Variants in EML5 observed in about 807,000 individuals in gnomAD.
EML5 encodes EMAP like 5, also known as echinoderm microtubule-associated protein-like 5.
A neutral mutation model predicts 250.0 loss-of-function variants in EML5; 120 were observed. The observed-to-expected ratio is 0.48, with a 90% CI of 0.41 to 0.56. The LOEUF (loss-of-function observed/expected upper bound fraction) is 0.56. Among genes scored for constraint, EML5 ranks in the 20% least tolerant of loss-of-function variants. EML5 has a pLI of 0.00. For synonymous variants in EML5, 771 were observed against 806.5 expected, an observed-to-expected ratio of 0.96 and a Z score of 0.75; for missense variants, 2,006 against 2,437.6, an observed-to-expected ratio of 0.82 and a Z score of 3.73.
At chr14:88,668,530 T>A (rs1023792664) in intron 21 of EML5, among the ~76,000 whole-genome samples, 2 of 152,024 alleles carry the variant, frequency 1.3e-5, no homozygotes, top group African/African-American at 2.4e-5. Context: ...GCAGGTTAAA[T>A]GGACAAGTAG....
chr14:88,668,594 G>A (rs1031467719), intron 21 of EML5, among the ~76,000 whole-genome samples: 2 of 152,158 alleles, frequency 1.3e-5, no homozygotes, highest in African/African-American at 2.4e-5. Flanking sequence ...TGAACACACA[G>A]AGAAGGGCGC....
At chr14:88,686,157 T>C (rs1262864179) in intron 19 of EML5, among the ~76,000 whole-genome samples, 1 of 152,038 alleles carries the variant, frequency 6.6e-6, no homozygotes, top group Non-Finnish European at 1.5e-5. Context: ...TCAGGTTTGA[T>C]ATTTGAAAAA....
intron 29 of EML5, among the ~76,000 whole-genome samples, chr14:88,644,908 C>T (rs1309270903): frequency 6.6e-6 from 1 of 152,010 alleles, no homozygotes; most frequent in Non-Finnish European, 1.5e-5. Context: ...GACGGGGTTT[C>T]ACCATGTTGG....
chr14:88,767,792 T>C (rs2094339756), intron 1 of EML5, among the ~76,000 whole-genome samples: 1 of 152,202 alleles, frequency 6.6e-6, no homozygotes, highest in Non-Finnish European at 1.5e-5. Context: ...TTCATTACAA[T>C]ATAAACATTT....
intron 40 of EML5, 117 bp from the exon 41 acceptor site, chr14:88,618,448 T>G (rs2088142219): frequency 9.0e-7 from 1 of 1,106,742 alleles, no homozygotes; most frequent in Admixed American, 2.3e-5. Flanking sequence ...CATTATTAAG[T>G]ATGCAAAAGA....
chr14:88,685,056 G>A lies in EML5; in HGVS notation c.2941C>T (p.Leu981=), dbSNP rs185658761. The A allele has an allele frequency of 6.2e-6, 10 of 1,611,422 alleles. No individual in the cohort carries two copies. The East Asian group carries it at 1.6e-4, about 25-fold the overall frequency. Reference sequence around the variant, plus strand: ...ATTGGGCCACTTTTATCCACTTCTAGTATTTCACCATTCTTTGTGCCAACT... The same window carrying A: ...ATTGGGCCACTTTTATCCACTTCTAATATTTCACCATTCTTTGTGCCAACT... ...ILVGTKNGEI[L]EVDKSGPITL... Residue 981 remains leucine, a synonymous_variant, in exon 20 of 44, where the codon CTA becomes TTA. Coordinates refer to ENST00000554922, the MANE Select transcript of EML5 (RefSeq NM_183387.3).
intron 17 of EML5, among the ~76,000 whole-genome samples, chr14:88,690,483 C>A (rs2092931334): frequency 6.6e-6 from 1 of 152,076 alleles, no homozygotes; most frequent in Non-Finnish European, 1.5e-5. Context: ...CTTTTCTCAA[C>A]ATAGAAGGCA....
Position 88,661,130 on chromosome 14 carries a change from C to T in EML5, c.3675+524G>A, listed in dbSNP as rs137996264. 1.4e-3 allele frequency among the ~76,000 whole-genome samples: 212 copies of T among 152,196 alleles called. 2 individuals are homozygous for T. The highest frequency in any genetic ancestry group is 4.9e-3 in the African/African-American group (202 of 41,524). ...CTGACACAGGGTTTTGCGCTGTCAC[C>T]CAGACTGGTGTGCAATGACATGACC... On this transcript the variant is annotated intron_variant, in intron 25 of 43. Coordinates refer to ENST00000554922, the MANE Select transcript of EML5 (RefSeq NM_183387.3).
At chr14:88,676,633 T>C (rs1231752394) in intron 21 of EML5, among the ~76,000 whole-genome samples, 1 of 152,118 alleles carries the variant, frequency 6.6e-6, no homozygotes, top group Non-Finnish European at 1.5e-5. Flanking sequence ...AAAAAACTAC[T>C]TTAGAATTCA....
At chr14:88,735,197 A>G (rs892689470) in intron 7 of EML5, among the ~76,000 whole-genome samples, 2 of 152,162 alleles carry the variant, frequency 1.3e-5, no homozygotes, top group African/African-American at 4.8e-5. Flanking sequence ...CAAATCGCTC[A>G]ATTTCTGGTA....
Position 88,746,980 on chromosome 14 carries a change from G to A in EML5, c.358-697C>T, listed in dbSNP as rs181644480. ...GAAATTTAATTCAAAGTAGTCTTCA[G>A]GGTTGGCTGTGTCTTCAAGCAACTT... is the stretch of plus-strand genomic sequence containing the variant. On this transcript the variant is annotated intron_variant, in intron 2 of 43. Transcript: ENST00000554922. Among the ~76,000 whole-genome samples the A allele has an allele frequency of 6.1e-4, 93 of 152,276 alleles. 1 individual carries two copies. In the East Asian group the frequency reaches 0.016, roughly 26 times the overall value.
intron 17 of EML5, among the ~76,000 whole-genome samples, chr14:88,691,084 T>A (rs535765271): frequency 2.0e-5 from 3 of 152,182 alleles, no homozygotes; most frequent in African/African-American, 7.2e-5. Context: ...ACTCTGCTAA[T>A]GGCAACTGCT....
At chr14:88,680,375 A>G (rs2092691464) in intron 21 of EML5, among the ~76,000 whole-genome samples, 1 of 152,206 alleles carries the variant, frequency 6.6e-6, no homozygotes, top group Admixed American at 6.5e-5. Flanking sequence ...TTATGAAACA[A>G]GCTTATCTAT....
rs2094624107 is a variant in EML5, at chr14:88,792,840, C to T, written c.-337G>A. On this transcript the variant is annotated 5_prime_UTR_variant, in exon 1 of 44. Transcript: ENST00000554922. The surrounding 1 kb of genome is among the most constrained non-coding windows in gnomAD (Gnocchi z 6.9). ...GGGCCCGCCTCCAGCTCCTCAGCCGCCGCCCGCGCACGCAGCTCCCAGCCC... is the reference window on the plus strand; with the variant it reads ...GGGCCCGCCTCCAGCTCCTCAGCCGTCGCCCGCGCACGCAGCTCCCAGCCC... 1.4e-6 allele frequency: 1 copy of T among 709,746 alleles called. No individual in the cohort carries two copies. The highest frequency in any genetic ancestry group is 1.7e-6 in the Non-Finnish European group (1 of 576,572). 44.0% of individuals were successfully genotyped at this position (709,746 alleles called of 1,614,324 possible). A position where few individuals can be genotyped will look rare whatever the true frequency, so the allele number is the denominator to read the frequency against.
intron 36 of EML5, 129 bp downstream of exon 36, chr14:88,624,841 G>A (rs186251671): frequency 1.4e-5 from 14 of 987,516 alleles, no homozygotes; most frequent in African/African-American, 1.3e-4. Context: ...AGGTAATAAA[G>A]GAGAAGCATA....
At chr14:88,618,162 C>A (rs1217892369) in intron 41 of EML5, 66 bp downstream of exon 41, 7 of 1,380,638 alleles carry the variant, frequency 5.1e-6, no homozygotes, top group African/African-American at 1.4e-5. Flanking sequence ...TCTAACAGTT[C>A]AGAAATAGGA....
At position 88,657,369 on chromosome 14, in the gene EML5, T is replaced by G. The variant is rs762935059; in HGVS notation, c.4004+7A>C. The G allele has an allele frequency of 1.3e-6, 2 of 1,553,608 alleles. No individual in the cohort carries two copies. The highest frequency in any genetic ancestry group is 2.7e-5 in the African/African-American group (2 of 73,252). On this transcript the variant is annotated splice_region_variant and intron_variant, in intron 27 of 43. Coordinates refer to ENST00000554922, the MANE Select transcript of EML5 (RefSeq NM_183387.3). ...TTTCTTCATCTAATACTAAACTAAATTATTACCTTTCATCAATTGAGGGTT... is the reference window on the plus strand; with the variant it reads ...TTTCTTCATCTAATACTAAACTAAAGTATTACCTTTCATCAATTGAGGGTT...
At chr14:88,696,164 AATAT>A (rs10551487) in intron 15 of EML5, among the ~76,000 whole-genome samples, 47 of 147,230 alleles carry the variant, frequency 3.2e-4, no homozygotes, top group Admixed American at 8.2e-4. Flanking sequence ...CAACTCTTTG[AATAT>A]ATATATATAT....
chr14:88,792,673 CCA>C lies in EML5; in HGVS notation c.-172_-171del. 1 of 1,142,372 alleles carries C rather than the reference CCA, an allele frequency of 8.8e-7. No individual in the cohort carries two copies. The highest frequency in any genetic ancestry group is 1.1e-6 in the Non-Finnish European group (1 of 931,826). The allele number at this position is 1,142,372 out of a possible 1,614,324, so 70.8% of individuals were successfully genotyped here. ...TTTCGGGGGCCGCCGCCGCCTCAGCCCACAGGCGGGAGGAAAACCCTCGCCTC... is the reference window on the plus strand; with the variant it reads ...TTTCGGGGGCCGCCGCCGCCTCAGCCCAGGCGGGAGGAAAACCCTCGCCTC... On this transcript the variant is annotated 5_prime_UTR_variant, in exon 1 of 44. It removes the in-frame stop codon of an upstream open reading frame in the 5' UTR. Coordinates refer to ENST00000554922, the MANE Select transcript of EML5 (RefSeq NM_183387.3). This position sits in a 1 kb window ranked among gnomAD's most constrained non-coding sequence, Gnocchi z 6.9.
Sources: allele counts gnomAD v4.1 joint callset (sites outside exome capture counted in the v4.1 genomes callset), GRCh38; gene constraint gnomAD v4.1.1; non-coding constraint Gnocchi (gnomAD v3.1); transcripts MANE v1.5; gene names NCBI Gene and HGNC (gene_info 2026-07-23, HGNC 2026-07-21).